The following CTNND2 variants were observed in gnomAD, a reference collection of about 807,000 sequenced individuals.
CTNND2 encodes catenin delta 2, also known as catenin delta-2.
CTNND2 carries 22 observed loss-of-function variants against 144.4 expected under a neutral mutation model. The observed-to-expected ratio is 0.15, with a 90% CI of 0.11 to 0.22. The LOEUF (loss-of-function observed/expected upper bound fraction) is 0.22, where lower values mean the gene tolerates loss of function less well. Among genes scored for constraint, CTNND2 ranks in the 10% least tolerant of loss-of-function variants. The probability of loss-of-function intolerance (pLI) is 1.00; values close to 1 mark genes in which losing one functional copy is unlikely to be tolerated. For synonymous variants in CTNND2, 751 were observed against 695.6 expected (o/e 1.08, Z -1.25); for missense variants, 1,353 against 1,618.8 (o/e 0.84, Z 2.82).
At chr5:11,872,885 C>T (rs1273830925) in intron 1 of CTNND2, among the ~76,000 whole-genome samples, 1 of 152,100 alleles carries the variant, frequency 6.6e-6, no homozygotes, top group African/African-American at 2.4e-5. Flanking sequence ...AATACTAAAA[C>T]CATAAAAACC....
chr5:11,704,642 C>T (rs1785610144), intron 2 of CTNND2, among the ~76,000 whole-genome samples: 2 of 152,054 alleles, frequency 1.3e-5, no homozygotes, highest in East Asian at 2.0e-4. Flanking sequence ...GCATCCTAAC[C>T]TTTAACCCAC....
intron 12 of CTNND2, among the ~76,000 whole-genome samples, chr5:11,121,898 C>T (rs1754180711): frequency 6.6e-6 from 1 of 152,206 alleles, no homozygotes; most frequent in Non-Finnish European, 1.5e-5. Flanking sequence ...ACACTCTTAG[C>T]TCTTTGAACC....
At chr5:11,004,887 A>T (rs1421423033) in intron 18 of CTNND2, among the ~76,000 whole-genome samples, 1 of 152,104 alleles carries the variant, frequency 6.6e-6, no homozygotes, top group Non-Finnish European at 1.5e-5. Flanking sequence ...GCTTTTATTC[A>T]ATAAAAATTA....
intron 1 of CTNND2, among the ~76,000 whole-genome samples, chr5:11,773,245 A>G (rs1294558207): frequency 2.0e-5 from 3 of 152,188 alleles, no homozygotes; most frequent in Non-Finnish European, 4.4e-5. Context: ...TTTTTTTCCA[A>G]GCAGTAAAAT....
intron 12 of CTNND2, among the ~76,000 whole-genome samples, chr5:11,133,354 T>C (rs1755800917): frequency 6.6e-6 from 1 of 152,184 alleles, no homozygotes; most frequent in Admixed American, 6.5e-5. Flanking sequence ...ATTTCTTTTT[T>C]CTTTTTCTTT....
At chr5:11,679,587 C>T (rs1390876598) in intron 2 of CTNND2, among the ~76,000 whole-genome samples, 2 of 152,218 alleles carry the variant, frequency 1.3e-5, no homozygotes, top group Non-Finnish European at 2.9e-5. Flanking sequence ...TAGAGTTAGT[C>T]TTTGGATTAC....
chr5:11,478,756 C>T (rs1461052282), intron 3 of CTNND2, among the ~76,000 whole-genome samples: 1 of 152,138 alleles, frequency 6.6e-6, no homozygotes, highest in Non-Finnish European at 1.5e-5. Flanking sequence ...CAATGTTAGT[C>T]ATCAATGCAA....
chr5:11,748,167 A>T lies in CTNND2; in HGVS notation c.38-15895T>A, dbSNP rs753122918. ...ACTACCATTGACTTAGCAGTTTTTTAAATAAATTGCTGACCTTAAGAAAAC... is the reference window on the plus strand; with the variant it reads ...ACTACCATTGACTTAGCAGTTTTTTTAATAAATTGCTGACCTTAAGAAAAC... On this transcript the variant is annotated intron_variant, in intron 1 of 21. Transcript: ENST00000304623. 5.1e-5 allele frequency among the ~76,000 whole-genome samples: 7 copies of T among 136,512 alleles called. No homozygotes were observed. The South Asian group carries it at 9.5e-4, about 19-fold the overall frequency. The allele number at this position is 136,512 out of a possible 152,430, so 89.6% of individuals were successfully genotyped here. A position where few individuals can be genotyped will look rare whatever the true frequency, so the allele number is the denominator to read the frequency against.
chr5:11,895,779 G>A (rs1486411174), intron 1 of CTNND2, among the ~76,000 whole-genome samples: 3 of 152,042 alleles, frequency 2.0e-5, no homozygotes, highest in Non-Finnish European at 4.4e-5. Flanking sequence ...TAGATAAATT[G>A]AGAAATGTGT....
chr5:11,039,120 C>T (rs1744397661), intron 16 of CTNND2, among the ~76,000 whole-genome samples: 1 of 152,188 alleles, frequency 6.6e-6, no homozygotes, highest in African/African-American at 2.4e-5. Context: ...AACACACAAT[C>T]GCCTTTCTAC....
At chr5:11,129,170 T>TTATATATAATATATATA (rs1755214733) in intron 12 of CTNND2, among the ~76,000 whole-genome samples, 1 of 23,954 alleles carries the variant, frequency 4.2e-5, no homozygotes, top group Non-Finnish European at 8.9e-5. Context: ...TATTATATAT[T>TTATATATAATATATATA]ATATATTTTA....
At chr5:11,012,787 G>GTT in intron 18 of CTNND2, among the ~76,000 whole-genome samples, 1 of 152,334 alleles carries the variant, frequency 6.6e-6, no homozygotes, top group Admixed American at 6.5e-5. Flanking sequence ...ATGAGTAGAA[G>GTT]TTGAGTGTCC....
In CTNND2 at chr5:11,049,862, G is replaced by C. The variant is rs578066740; in HGVS notation, c.2789-26883C>G. On this transcript the variant is annotated intron_variant, in intron 16 of 21. Transcript: ENST00000304623. ...TTTCATTTAAATACTAACTTTGTAA[G>C]CCACAAGCAATTCGCTGTCTTAGTG... Among the ~76,000 whole-genome samples the C allele has an allele frequency of 2.6e-5, 4 of 152,278 alleles. No individual in the cohort carries two copies. The South Asian group carries it at 8.3e-4, about 32-fold the overall frequency.
intron 2 of CTNND2, among the ~76,000 whole-genome samples, chr5:11,705,881 CATT>C (rs1301943328): frequency 1.3e-5 from 2 of 152,160 alleles, no homozygotes; most frequent in African/African-American, 2.4e-5. Context: ...GATTACACTC[CATT>C]ATATACACAT....
chr5:11,143,938 CT>C (rs60456458), intron 12 of CTNND2, among the ~76,000 whole-genome samples: 66 of 126,062 alleles, frequency 5.2e-4, no homozygotes, highest in African/African-American at 1.7e-3. Context: ...ACCATAGGGG[CT>C]TGTCCCCAGG....
chr5:11,822,515 G>A (rs1003345285), intron 1 of CTNND2, among the ~76,000 whole-genome samples: 15 of 151,886 alleles, frequency 9.9e-5, no homozygotes, highest in Non-Finnish European at 1.8e-4. Flanking sequence ...AATAATTTCC[G>A]CATCCTGGTA....
At chr5:11,273,556 G>T (rs1746232365) in intron 9 of CTNND2, among the ~76,000 whole-genome samples, 1 of 152,178 alleles carries the variant, frequency 6.6e-6, no homozygotes, top group Non-Finnish European at 1.5e-5. Flanking sequence ...GGGCTTTTCG[G>T]TCACTGAAAT....
intron 2 of CTNND2, among the ~76,000 whole-genome samples, chr5:11,589,680 T>A (rs1238284082): frequency 6.6e-6 from 1 of 152,190 alleles, no homozygotes; most frequent in Non-Finnish European, 1.5e-5. Flanking sequence ...TTTGAGTCTT[T>A]TACCTGATTC....
chr5:11,450,068 G>A (rs193173003), intron 3 of CTNND2, among the ~76,000 whole-genome samples: 123 of 152,320 alleles, frequency 8.1e-4, no homozygotes, highest in Middle Eastern at 3.4e-3. Flanking sequence ...AGCAAGGGCT[G>A]GCTTGTCTAT....
Sources: gnomAD v4.1 joint callset for allele counts (sites outside exome capture counted in the v4.1 genomes callset) on GRCh38, gnomAD v4.1.1 for gene constraint, MANE v1.5 for transcripts, NCBI Gene and HGNC (gene_info 2026-07-23, HGNC 2026-07-21) for gene names.